Variants in MYRFL observed in about 807,000 individuals in gnomAD.
MYRFL encodes the protein myelin regulatory factor-like protein.
MYRFL carries 88 observed loss-of-function variants against 109.4 expected under a neutral mutation model. That is an observed-to-expected ratio of 0.80 (90% CI 0.68 to 0.96). The LOEUF (loss-of-function observed/expected upper bound fraction) is 0.96, where lower values mean the gene tolerates loss of function less well. Ranked by LOEUF, MYRFL falls within the 40% of genes least tolerant of loss-of-function variation. The probability of loss-of-function intolerance (pLI) is 0.00; values close to 1 mark genes in which losing one functional copy is unlikely to be tolerated. For missense variants in MYRFL, 957 were observed against 954.9 expected, an observed-to-expected ratio of 1.00 and a Z score of -0.03; for synonymous variants, 324 against 320.9, an observed-to-expected ratio of 1.01 and a Z score of -0.10.
chr12:69,848,982 A>T (rs1883724831), intron 1 of MYRFL, among the ~76,000 whole-genome samples: 2 of 152,042 alleles, frequency 1.3e-5, no homozygotes, highest in Non-Finnish European at 2.9e-5. Flanking sequence ...AGTGATTTTC[A>T]TGCCTCAGCC....
chr12:69,943,813 C>T (rs1955744532), intron 19 of MYRFL, among the ~76,000 whole-genome samples: 1 of 151,542 alleles, frequency 6.6e-6, no homozygotes, highest in Non-Finnish European at 1.5e-5. Context: ...CCAGAATCTA[C>T]AATGAACTCA....
At chr12:69,936,752 T>G (rs968839119) in intron 19 of MYRFL, 120 bp downstream of exon 19, 2 of 898,356 alleles carry the variant, frequency 2.2e-6, no homozygotes, top group African/African-American at 3.4e-5. Flanking sequence ...CTATTTGGGG[T>G]GGCAAAATCT....
intron 18 of MYRFL, 59 bp downstream of exon 18, chr12:69,936,394 A>G (rs1311706380): frequency 1.7e-5 from 26 of 1,528,464 alleles, no homozygotes; most frequent in African/African-American, 2.8e-5. Flanking sequence ...TTAACAGAAG[A>G]AACCAGCCTT....
At chr12:69,864,610 G>C (rs1288234039) in intron 2 of MYRFL, among the ~76,000 whole-genome samples, 1 of 150,336 alleles carries the variant, frequency 6.7e-6, no homozygotes, top group Non-Finnish European at 1.5e-5. Context: ...TGGGAAGAAG[G>C]TGAGTTCAAC....
At chr12:69,947,556 G>A (rs1450891778) in intron 19 of MYRFL, among the ~76,000 whole-genome samples, 3 of 152,094 alleles carry the variant, frequency 2.0e-5, no homozygotes, top group African/African-American at 4.8e-5. Flanking sequence ...TTTAATCCAT[G>A]GAACCAGTAA....
At chr12:69,868,553 CAT>C (rs1885147032) in intron 2 of MYRFL, among the ~76,000 whole-genome samples, 2 of 152,186 alleles carry the variant, frequency 1.3e-5, no homozygotes, top group African/African-American at 2.4e-5. Flanking sequence ...AGTTTCTCTA[CAT>C]CTAAAGCAGC....
At chr12:69,940,253 G>T (rs978106117) in intron 19 of MYRFL, among the ~76,000 whole-genome samples, 3 of 151,336 alleles carry the variant, frequency 2.0e-5, no homozygotes, top group Non-Finnish European at 3.0e-5. Flanking sequence ...ATAATTGTCA[G>T]ATTCACCAAA....
At chr12:69,848,951 A>C (rs1195156403) in intron 1 of MYRFL, among the ~76,000 whole-genome samples, 1 of 152,170 alleles carries the variant, frequency 6.6e-6, no homozygotes, top group Non-Finnish European at 1.5e-5. Context: ...GGCTCACTGC[A>C]ACCTCTACCT....
At chr12:69,897,009 C>T in intron 9 of MYRFL, 147 bp from the exon 10 acceptor site, 1 of 655,818 alleles carries the variant, frequency 1.5e-6, no homozygotes, top group African/African-American at 1.8e-5. Flanking sequence ...GGGGGGACAA[C>T]TTAGAACAGA....
chr12:69,840,286 C>T (rs17107156), intron 1 of MYRFL, among the ~76,000 whole-genome samples: 14,468 of 152,188 alleles, frequency 0.095, 949 homozygotes, highest in African/African-American at 0.19. Flanking sequence ...GAGAAGGATG[C>T]GAGCAGGTAA....
At chr12:69,936,048 A>C (rs1955444369) in intron 16 of MYRFL, 65 bp from the exon 17 acceptor site, 2 of 1,465,642 alleles carry the variant, frequency 1.4e-6, no homozygotes, top group South Asian at 1.3e-5. Context: ...GATGTGTGAG[A>C]TATATCTGGA....
chr12:69,858,141 T>C (rs1565975453), intron 2 of MYRFL, among the ~76,000 whole-genome samples: 1 of 151,928 alleles, frequency 6.6e-6, no homozygotes, highest in Non-Finnish European at 1.5e-5. Flanking sequence ...CATCTGTTAA[T>C]ATAATGGATT....
chr12:69,889,761 C>T (rs1011347470), intron 6 of MYRFL, among the ~76,000 whole-genome samples: 2 of 151,966 alleles, frequency 1.3e-5, no homozygotes, highest in African/African-American at 4.8e-5. Context: ...GAGGCAGAGA[C>T]AGGGAGAATT....
chr12:69,840,392 T>G (rs922025671), intron 1 of MYRFL, among the ~76,000 whole-genome samples: 5 of 152,224 alleles, frequency 3.3e-5, no homozygotes, highest in African/African-American at 1.2e-4. Context: ...TAGCATAATT[T>G]CCTCTACATT....
At chr12:69,906,471 C>T (rs1265000658) in intron 11 of MYRFL, among the ~76,000 whole-genome samples, 3 of 152,096 alleles carry the variant, frequency 2.0e-5, no homozygotes, top group African/African-American at 7.2e-5. Flanking sequence ...AATGTCAATG[C>T]CCAAAAACAT....
intron 1 of MYRFL, among the ~76,000 whole-genome samples, chr12:69,826,241 A>G (rs1450742582): frequency 6.6e-6 from 1 of 152,032 alleles, no homozygotes; most frequent in African/African-American, 2.4e-5. Flanking sequence ...CAGAAATGGC[A>G]AGAAGAAACA....
intron 13 of MYRFL, among the ~76,000 whole-genome samples, chr12:69,925,022 A>T (rs1232274394): frequency 1.3e-5 from 2 of 152,210 alleles, no homozygotes; most frequent in South Asian, 2.1e-4. Flanking sequence ...CAAACTCATG[A>T]TCCAGGTGGG....
At chr12:69,929,301 G>A (rs1055435995) in intron 15 of MYRFL, among the ~76,000 whole-genome samples, 1 of 152,160 alleles carries the variant, frequency 6.6e-6, no homozygotes, top group Admixed American at 6.5e-5. Flanking sequence ...CATGTGGGAG[G>A]CAGAAAGGAT....
intron 13 of MYRFL, among the ~76,000 whole-genome samples, chr12:69,915,706 G>A (rs551701723): frequency 1.5e-4 from 23 of 152,270 alleles, no homozygotes; most frequent in Non-Finnish European, 1.6e-4. Flanking sequence ...AGGAGGTGGA[G>A]TGAGAGGGAT....
Sources: gnomAD v4.1 joint callset for allele counts (sites outside exome capture counted in the v4.1 genomes callset) on GRCh38, gnomAD v4.1.1 for gene constraint, MANE v1.5 for transcripts, NCBI Gene and HGNC (gene_info 2026-07-23, HGNC 2026-07-21) for gene names.